AMPH: variants seen among roughly 807,000 people sequenced by gnomAD.
The protein encoded by AMPH is amphiphysin (Stiff-Mann syndrome with breast cancer 128kD autoantigen).
Under a neutral mutation model 99.1 loss-of-function variants are expected in AMPH, and 49 were observed. That is an observed-to-expected ratio of 0.49 (90% confidence interval 0.39 to 0.63). The LOEUF (loss-of-function observed/expected upper bound fraction) is 0.63, where lower values mean the gene tolerates loss of function less well. AMPH is among the 20% of genes least tolerant of loss of function. The pLI is 0.00. For missense variants in AMPH, 759 were observed against 863.4 expected, an observed-to-expected ratio of 0.88 and a Z score of 1.52; for synonymous variants, 314 against 317.3, an observed-to-expected ratio of 0.99 and a Z score of 0.11.
chr7:38,515,183 G>A (rs1003438669), intron 2 of AMPH, among the ~76,000 whole-genome samples: 4 of 152,186 alleles, frequency 2.6e-5, no homozygotes, highest in Non-Finnish European at 5.9e-5. Flanking sequence ...AAAGACCTTA[G>A]CTGAGTTGTG....
At chr7:38,407,048 CTA>C (rs1200407336) in intron 17 of AMPH, among the ~76,000 whole-genome samples, 519 of 31,144 alleles carry the variant, frequency 0.017, 25 homozygotes, top group Middle Eastern at 0.05. Context: ...CTCTCTCTCT[CTA>C]TATATATATA....
At chr7:38,428,875 C>T (rs1198066822) in intron 14 of AMPH, 1 of 624,500 alleles carries the variant, frequency 1.6e-6, no homozygotes, top group Non-Finnish European at 2.6e-6. Context: ...TTTGTACTTT[C>T]CTTATACCCT....
intron 2 of AMPH, among the ~76,000 whole-genome samples, chr7:38,521,518 C>G (rs963996818): frequency 3.9e-5 from 6 of 152,038 alleles, no homozygotes; most frequent in African/African-American, 1.5e-4. Context: ...AAGACTCTGT[C>G]TCAAAACAAA....
At chr7:38,628,736 A>T (rs1794347691) in intron 1 of AMPH, among the ~76,000 whole-genome samples, 1 of 152,220 alleles carries the variant, frequency 6.6e-6, no homozygotes, top group Non-Finnish European at 1.5e-5. Context: ...TAGTAGAATT[A>T]TGTGCTTCGT....
intron 2 of AMPH, among the ~76,000 whole-genome samples, chr7:38,524,540 G>C (rs1276531644): frequency 6.6e-6 from 1 of 152,166 alleles, no homozygotes. Context: ...TTGACAGAAG[G>C]AACTACTGCT....
At chr7:38,433,680 C>A (rs1455611343) in intron 12 of AMPH, among the ~76,000 whole-genome samples, 3 of 75,864 alleles carry the variant, frequency 4.0e-5, no homozygotes, top group East Asian at 5.0e-4. Context: ...AGCCGAGATC[C>A]TGCCACTGCA....
intron 1 of AMPH, among the ~76,000 whole-genome samples, chr7:38,536,504 T>C (rs1790606791): frequency 6.6e-6 from 1 of 152,206 alleles, no homozygotes; most frequent in African/African-American, 2.4e-5. Flanking sequence ...CGAAAAATGA[T>C]TTTGTATTCT....
chr7:38,544,255 G>A (rs1234986218), intron 1 of AMPH, among the ~76,000 whole-genome samples: 3 of 152,300 alleles, frequency 2.0e-5, no homozygotes, highest in East Asian at 1.9e-4. Flanking sequence ...CCTAGGAGAG[G>A]AAGCAAGTTA....
intron 19 of AMPH, 28 bp from the exon 20 acceptor site, chr7:38,389,933 C>A (rs1324835604): frequency 4.5e-6 from 7 of 1,545,540 alleles, no homozygotes; most frequent in South Asian, 2.2e-5. Flanking sequence ...ACATAAAAAT[C>A]AATTTCCCAG....
At chr7:38,608,151 C>T (rs1461057090) in intron 1 of AMPH, among the ~76,000 whole-genome samples, 1 of 152,136 alleles carries the variant, frequency 6.6e-6, no homozygotes, top group African/African-American at 2.4e-5. Flanking sequence ...CAGAGATTTT[C>T]TGTGGCTCTT....
intron 2 of AMPH, among the ~76,000 whole-genome samples, chr7:38,527,069 C>A (rs150589214): frequency 2.0e-5 from 3 of 152,176 alleles, no homozygotes; most frequent in Non-Finnish European, 4.4e-5. Context: ...ACCAGTTGAG[C>A]ATATTTGTGT....
intron 2 of AMPH, among the ~76,000 whole-genome samples, chr7:38,522,930 A>T (rs952496452): frequency 6.6e-6 from 1 of 151,688 alleles, no homozygotes; most frequent in African/African-American, 2.4e-5. Context: ...AACATAGTGA[A>T]ACCCCCATCT....
intron 1 of AMPH, among the ~76,000 whole-genome samples, chr7:38,602,433 G>C (rs893253327): frequency 6.6e-6 from 1 of 152,190 alleles, no homozygotes; most frequent in African/African-American, 2.4e-5. Context: ...GCTCCTTCTG[G>C]AAGCTCTAAA....
intron 1 of AMPH, among the ~76,000 whole-genome samples, chr7:38,573,953 G>A (rs1486652029): frequency 1.3e-5 from 2 of 152,194 alleles, no homozygotes; most frequent in Non-Finnish European, 2.9e-5. Context: ...GGCCTATAGA[G>A]GTGAAGTAAC....
At chr7:38,570,256 T>A (rs969354087) in intron 1 of AMPH, among the ~76,000 whole-genome samples, 1 of 152,180 alleles carries the variant, frequency 6.6e-6, no homozygotes, top group African/African-American at 2.4e-5. Flanking sequence ...GTGAGGCCAG[T>A]CTTCAAGCTT....
At chr7:38,461,188 G>T in intron 11 of AMPH, 95 bp downstream of exon 11, 1 of 1,404,494 alleles carries the variant, frequency 7.1e-7, no homozygotes, top group Non-Finnish European at 9.9e-7. Flanking sequence ...TTATGTTGTT[G>T]GTTCTGGAAC....
At chr7:38,542,443 A>T (rs534162516) in intron 1 of AMPH, among the ~76,000 whole-genome samples, 1 of 152,322 alleles carries the variant, frequency 6.6e-6, no homozygotes, top group South Asian at 2.1e-4. Flanking sequence ...AGCTAGGCAA[A>T]GGGATCCTCC....
intron 17 of AMPH, among the ~76,000 whole-genome samples, chr7:38,409,946 T>C (rs1270218864): frequency 6.6e-6 from 1 of 152,248 alleles, no homozygotes; most frequent in African/African-American, 2.4e-5. Flanking sequence ...AGGGGACTTA[T>C]CTTTTAATGC....
At chr7:38,551,454 T>A (rs1414599537) in intron 1 of AMPH, among the ~76,000 whole-genome samples, 1 of 152,194 alleles carries the variant, frequency 6.6e-6, no homozygotes, top group African/African-American at 2.4e-5. Context: ...CTCCCCATCA[T>A]TTATTGCCTT....
Sources: allele counts gnomAD v4.1 joint callset (sites outside exome capture counted in the v4.1 genomes callset), GRCh38; gene constraint gnomAD v4.1.1; transcripts MANE v1.5; gene names NCBI Gene and HGNC (gene_info 2026-07-23, HGNC 2026-07-21).